DNM1L: variants seen among roughly 807,000 people sequenced by gnomAD.
DNM1L encodes the protein dynamin 1L.
Under a neutral mutation model 92.8 loss-of-function variants are expected in DNM1L, and 33 were observed. That is an observed-to-expected ratio of 0.36 (90% confidence interval 0.27 to 0.48). The LOEUF (loss-of-function observed/expected upper bound fraction) is 0.48, where lower values mean the gene tolerates loss of function less well. Ranked by LOEUF, DNM1L falls within the 20% of genes least tolerant of loss-of-function variation. DNM1L has a pLI of 0.99. For missense variants in DNM1L, 485 were observed against 888.8 expected (o/e 0.55, Z 5.78); for synonymous variants, 284 against 305.0 (o/e 0.93, Z 0.72).
At position 32,679,361 on chromosome 12, in the gene DNM1L, G is replaced by C. The variant is rs758693731; in HGVS notation, c.-3G>C. ...GGCACTGGGGCCCCGTGTTTTCAGA[G>C]TCATGGAGGCGCTAATTCCTGTCAT... On this transcript the variant is annotated 5_prime_UTR_variant, in exon 1 of 20. Coordinates refer to ENST00000549701, the MANE Select transcript of DNM1L (RefSeq NM_012062.5). The C allele has an allele frequency of 1.9e-6, 3 of 1,612,298 alleles. No homozygotes were observed. The highest frequency in any genetic ancestry group is 2.5e-6 in the Non-Finnish European group (3 of 1,178,772).
rs958201087 is a variant in DNM1L at position 32,744,050 on chromosome 12, C to T, written c.*640C>T. The stretch of plus-strand genomic sequence containing the variant: ...GCCCTTCCAATTCTGGGTCCATTTG[C>T]ACTAGCAAATTAAAATATGCTTTGA... On this transcript the variant is annotated 3_prime_UTR_variant, in exon 20 of 20. Transcript: ENST00000549701. 2 of 152,506 alleles carry T rather than the reference C, an allele frequency of 1.3e-5. No individual in the cohort carries two copies. The allele number at this position is 152,506 out of a possible 1,614,324, so 9.4% of individuals were successfully genotyped here. A position where few individuals can be genotyped will look rare whatever the true frequency, so the allele number is the denominator to read the frequency against.
At chr12:32,730,342 C>T (rs577860224) in intron 9 of DNM1L, among the ~76,000 whole-genome samples, 68 of 151,994 alleles carry the variant, frequency 4.5e-4, no homozygotes, top group Admixed American at 1.5e-3. Flanking sequence ...CCAGCCTGGG[C>T]GACACAGCGA....
intron 8 of DNM1L, 132 bp downstream of exon 8, chr12:32,720,927 T>C (rs1953773344): frequency 8.6e-7 from 1 of 1,161,158 alleles, no homozygotes; most frequent in Admixed American, 2.1e-5. Context: ...ATATAGTAGG[T>C]TCCTGAAGAG....
Position 32,707,350 on chromosome 12 carries a change from G to A in DNM1L, c.251-17G>A, listed in dbSNP as rs1203788454. 1.9e-6 allele frequency: 3 copies of A among 1,601,952 alleles called. No homozygotes were observed. Among genetic ancestry groups the A allele is most frequent in the Admixed American group, 1.7e-5 (1 of 58,510 alleles). On this transcript the variant is annotated splice_polypyrimidine_tract_variant and intron_variant, in intron 2 of 19. Transcript: ENST00000549701. ...AGTTTCCATAGTTTCCAATAAATGAGTTTTTCTTTTTTCCAGGGGTGGAAG... is the reference window on the plus strand; with the variant it reads ...AGTTTCCATAGTTTCCAATAAATGAATTTTTCTTTTTTCCAGGGGTGGAAG...
chr12:32,701,387 T>C, intron 1 of DNM1L, 28 bp from the exon 2 acceptor site: 1 of 1,608,288 alleles, frequency 6.2e-7, no homozygotes, highest in Non-Finnish European at 8.5e-7. Flanking sequence ...AGAAACTCAT[T>C]TTGCTCTTGT....
chr12:32,684,143 T>G (rs1450687062), intron 1 of DNM1L, among the ~76,000 whole-genome samples: 1 of 152,192 alleles, frequency 6.6e-6, no homozygotes, highest in Non-Finnish European at 1.5e-5. Flanking sequence ...CCAAAATATT[T>G]TCATTACCTG....
chr12:32,731,723 G>GAA lies in DNM1L; in HGVS notation c.1357-131_1357-130insAA, dbSNP rs1186153257. On this transcript the variant is annotated intron_variant, in intron 11 of 19. Coordinates refer to ENST00000549701, the MANE Select transcript of DNM1L (RefSeq NM_012062.5). This position sits in a 1 kb window ranked among gnomAD's most constrained non-coding sequence, Gnocchi z 5.1. ...ATTAAGTAAAAGAAAATGACTGTTA[G>GAA]CCTGGCATGGTGGCTTCTACATGTA... is the stretch of plus-strand genomic sequence containing the variant. 5.1e-6 allele frequency: 5 copies of GAA among 977,982 alleles called. No individual in the cohort carries two copies. In the African/African-American group the frequency reaches 8.2e-5, roughly 16 times the overall value. The allele number at this position is 977,982 out of a possible 1,614,324, so 60.6% of individuals were successfully genotyped here. A position where few individuals can be genotyped will look rare whatever the true frequency, so the allele number is the denominator to read the frequency against.
At chr12:32,688,302 A>G (rs1457682737) in intron 1 of DNM1L, among the ~76,000 whole-genome samples, 1 of 152,222 alleles carries the variant, frequency 6.6e-6, no homozygotes, top group Non-Finnish European at 1.5e-5. Context: ...TGTTGCCTCT[A>G]TAGGTTGCTT....
Position 32,740,392 on chromosome 12 carries a change from C to T in DNM1L, c.1885-17C>T. 1 of 1,612,218 alleles carries T rather than the reference C, an allele frequency of 6.2e-7. No homozygotes were observed. The highest frequency in any genetic ancestry group is 8.5e-7 in the Non-Finnish European group (1 of 1,178,690). On this transcript the variant is annotated splice_polypyrimidine_tract_variant and intron_variant, in intron 17 of 19. Coordinates refer to ENST00000549701, the MANE Select transcript of DNM1L (RefSeq NM_012062.5). Reference sequence around the variant, plus strand: ...GTGTCACAAAAGTAATATTTTTTCCCCCTCATCCCTATTTAGCCAGTTCCT... The same window carrying T: ...GTGTCACAAAAGTAATATTTTTTCCTCCTCATCCCTATTTAGCCAGTTCCT...
chr12:32,723,413 C>T (rs1233618674), intron 9 of DNM1L, among the ~76,000 whole-genome samples: 1 of 152,088 alleles, frequency 6.6e-6, no homozygotes, highest in Non-Finnish European at 1.5e-5. Context: ...AAATGGGATT[C>T]TGGCCAGGCA....
intron 7 of DNM1L, among the ~76,000 whole-genome samples, chr12:32,719,124 A>AT (rs1353319204): frequency 6.6e-6 from 1 of 151,780 alleles, no homozygotes; most frequent in African/African-American, 2.4e-5. Context: ...CTAATTTTAA[A>AT]TTTTTTTGTA....
chr12:32,727,637 GTC>G (rs2137490968), intron 9 of DNM1L: 1 of 313,836 alleles, frequency 3.2e-6, no homozygotes, highest in Admixed American at 4.5e-5. Flanking sequence ...TATACTACAT[GTC>G]TTTAAAAATC....
chr12:32,730,061 A>G (rs1474774477), intron 9 of DNM1L, among the ~76,000 whole-genome samples: 3 of 152,200 alleles, frequency 2.0e-5, no homozygotes, highest in Non-Finnish European at 4.4e-5. Context: ...CAGTAACTAT[A>G]TCAAGAGATT....
chr12:32,701,907 T>C (rs1952715821), intron 2 of DNM1L, among the ~76,000 whole-genome samples: 3 of 151,394 alleles, frequency 2.0e-5, no homozygotes, highest in Admixed American at 2.0e-4. Context: ...TTTGTATTTT[T>C]AGAAGAGACA....
chr12:32,723,905 A>G (rs1219892096), intron 9 of DNM1L, among the ~76,000 whole-genome samples: 17 of 152,210 alleles, frequency 1.1e-4, no homozygotes, highest in Admixed American at 1.1e-3. Flanking sequence ...TAGCATTACA[A>G]ACAATGTGTT....
Position 32,722,481 on chromosome 12 carries a change from T to C in DNM1L, c.927T>C (p.Asn309=), listed in dbSNP as rs142039710. Residue 309 remains asparagine (N), a synonymous_variant, in exon 9 of 20, where the codon AAT becomes AAC. Transcript: ENST00000549701. ...DCLPELKTRI[N]VLAAQYQSLL... is the part of the protein sequence containing the mutation. ...TACCAGAGTTGAAAACAAGAATAAA[T>C]GTTCTAGCTGCTCAGTATCAGTCTC... 9.3e-6 allele frequency: 15 copies of C among 1,613,194 alleles called. No individual in the cohort carries two copies. In the African/African-American group the frequency reaches 1.3e-4, roughly 14 times the overall value.
intron 13 of DNM1L, among the ~76,000 whole-genome samples, chr12:32,735,918 T>C (rs1261960730): frequency 1.3e-5 from 2 of 152,068 alleles, no homozygotes; most frequent in Admixed American, 6.6e-5. Context: ...CTTTAACTTA[T>C]ATTTTTTTGC....
rs781114918 is a variant in DNM1L at position 32,740,056 on chromosome 12, T to G, written c.1708-8T>G. On this transcript the variant is annotated splice_region_variant and splice_polypyrimidine_tract_variant and intron_variant, in intron 16 of 19. Transcript: ENST00000549701. ...GTGGTTGGTATGTTTTGGAACATGTTTTTTCAGGTTGCATCTGGAGGTGGT... is the reference window on the plus strand; with the variant it reads ...GTGGTTGGTATGTTTTGGAACATGTGTTTTCAGGTTGCATCTGGAGGTGGT... The G allele has an allele frequency of 1.5e-5, 24 of 1,613,978 alleles. No homozygotes were observed. The highest frequency in any genetic ancestry group is 1.1e-4 in the East Asian group (5 of 44,900).
rs1951724008 is a variant in DNM1L at position 32,679,593 on chromosome 12, C to G, written c.102+128C>G. 3 of 1,423,370 alleles carry G rather than the reference C, an allele frequency of 2.1e-6. No individual in the cohort carries two copies. In the African/African-American group the frequency reaches 4.4e-5, roughly 21 times the overall value. 88.2% of individuals were successfully genotyped at this position (1,423,370 alleles called of 1,614,324 possible). ...GCCTTTGGGGCCTGTGGGAGGAGGG[C>G]CTTGCTGGGGGCCCCAGGGCTCTCC... On this transcript the variant is annotated intron_variant, in intron 1 of 19. Transcript: ENST00000549701.
Sources: gnomAD v4.1 joint callset for allele counts (sites outside exome capture counted in the v4.1 genomes callset) on GRCh38, gnomAD v4.1.1 for gene constraint, Gnocchi (gnomAD v3.1) non-coding constraint, MANE v1.5 for transcripts, NCBI Gene and HGNC (gene_info 2026-07-23, HGNC 2026-07-21) for gene names.